Variants in TERB1 observed in about 807,000 individuals in gnomAD.
TERB1 encodes telomere repeats-binding bouquet formation protein 1.
TERB1 carries 63 observed loss-of-function variants against 92.3 expected under a neutral mutation model. That is an observed-to-expected ratio of 0.68 (90% CI 0.56 to 0.84). TERB1 has a LOEUF of 0.84. Among genes scored for constraint, TERB1 ranks in the 40% least tolerant of loss-of-function variants. TERB1 has a pLI of 0.00. For synonymous variants in TERB1, 252 were observed against 283.9 expected (o/e 0.89, Z 1.13); for missense variants, 709 against 843.7 (o/e 0.84, Z 1.98).
intron 6 of TERB1, among the ~76,000 whole-genome samples, chr16:66,787,837 G>A (rs1017091278): frequency 6.6e-6 from 1 of 152,156 alleles, no homozygotes; most frequent in African/African-American, 2.4e-5. Context: ...AGTGGCTCAC[G>A]CCTGTAATCC....
intron 6 of TERB1, among the ~76,000 whole-genome samples, chr16:66,787,863 C>G (rs1189819928): frequency 1.3e-5 from 2 of 152,150 alleles, no homozygotes; most frequent in African/African-American, 2.4e-5. Flanking sequence ...CTATTTGAGA[C>G]CAGCCTGGCC....
At chr16:66,768,615 T>C (rs2018390040) in intron 14 of TERB1, among the ~76,000 whole-genome samples, 1 of 152,098 alleles carries the variant, frequency 6.6e-6, no homozygotes, top group Non-Finnish European at 1.5e-5. Flanking sequence ...TAAATACAAG[T>C]TTTGATTATA....
chr16:66,755,910 A>G (rs554709832), intron 18 of TERB1, among the ~76,000 whole-genome samples: 5 of 152,364 alleles, frequency 3.3e-5, no homozygotes, highest in African/African-American at 1.2e-4. Flanking sequence ...AATATTTTTA[A>G]GAATAAGGGT....
At chr16:66,784,748 A>ATTTTTTT (rs34949570) in intron 9 of TERB1, among the ~76,000 whole-genome samples, 2 of 117,604 alleles carry the variant, frequency 1.7e-5, no homozygotes, top group East Asian at 2.6e-4. Context: ...TTAATTTTTA[A>ATTTTTTT]TTTTTTTTTT....
chr16:66,783,625 A>G (rs2018674058), intron 9 of TERB1, among the ~76,000 whole-genome samples: 1 of 152,114 alleles, frequency 6.6e-6, no homozygotes, highest in African/African-American at 2.4e-5. Context: ...AATGTATGTG[A>G]AGTTATTTGT....
chr16:66,778,737 A>C, intron 10 of TERB1, 126 bp downstream of exon 10: 1 of 786,856 alleles, frequency 1.3e-6, no homozygotes. Flanking sequence ...ACTTTCTAAT[A>C]CTTCCTTCCA....
chr16:66,764,924 A>G (rs2018313212), intron 16 of TERB1, among the ~76,000 whole-genome samples: 1 of 152,246 alleles, frequency 6.6e-6, no homozygotes, highest in Non-Finnish European at 1.5e-5. Context: ...GAATAAGGCT[A>G]TAGCCCACGT....
intron 16 of TERB1, among the ~76,000 whole-genome samples, chr16:66,759,511 G>C (rs906771566): frequency 3.3e-5 from 5 of 152,130 alleles, no homozygotes; most frequent in African/African-American, 1.2e-4. Flanking sequence ...TAGAAAAAGA[G>C]CATCTAGGCC....
intron 3 of TERB1, among the ~76,000 whole-genome samples, chr16:66,793,770 C>T (rs1259798705): frequency 6.6e-6 from 1 of 152,110 alleles, no homozygotes; most frequent in Non-Finnish European, 1.5e-5. Flanking sequence ...GCCTTGGGCT[C>T]CCAAAGTGTT....
chr16:66,794,947 A>ACACACACAC (rs1291113023), intron 3 of TERB1, among the ~76,000 whole-genome samples: 2 of 151,876 alleles, frequency 1.3e-5, no homozygotes, highest in African/African-American at 2.4e-5. Context: ...ACACACACAC[A>ACACACACAC]ATCAAATAAA....
upstream of TERB1, among the ~76,000 whole-genome samples, chr16:66,802,006 C>G (rs1461382478): frequency 6.6e-6 from 1 of 152,226 alleles, no homozygotes; most frequent in Non-Finnish European, 1.5e-5. Flanking sequence ...CACCAGGGGG[C>G]TTCCGGAGTT....
chr16:66,800,676 C>T (rs2145284092), intron 2 of TERB1, among the ~76,000 whole-genome samples: 1 of 152,186 alleles, frequency 6.6e-6, no homozygotes, highest in East Asian at 1.9e-4. Context: ...AGCGGATATC[C>T]AGCTTGTAAT....
intron 16 of TERB1, among the ~76,000 whole-genome samples, chr16:66,766,421 G>A (rs1053579052): frequency 6.6e-6 from 1 of 151,982 alleles, no homozygotes; most frequent in African/African-American, 2.4e-5. Flanking sequence ...ATAGAGCAGA[G>A]TACAACAGCA....
At chr16:66,781,920 T>A (rs543681642) in intron 9 of TERB1, among the ~76,000 whole-genome samples, 2 of 152,342 alleles carry the variant, frequency 1.3e-5, no homozygotes, top group East Asian at 3.9e-4. Context: ...ATTATTTCAA[T>A]GGAGTCCAAT....
chr16:66,785,475 T>C (rs1225067448), intron 9 of TERB1, among the ~76,000 whole-genome samples: 1 of 152,194 alleles, frequency 6.6e-6, no homozygotes, highest in Non-Finnish European at 1.5e-5. Context: ...GATGTTTTGT[T>C]TTTATTCATT....
chr16:66,775,111 C>T lies in TERB1; in HGVS notation c.1111+7G>A, dbSNP rs1433992425. The stretch of plus-strand genomic sequence containing the variant: ...TTGGTATGTTCTTAAAGTAATAGTA[C>T]ACTTACTAATTTTTTTGCAGTTGTG... On this transcript the variant is annotated splice_region_variant and intron_variant, in intron 12 of 18. Transcript: ENST00000433154. The T allele has an allele frequency of 1.9e-6, 3 of 1,551,172 alleles. No homozygotes were observed. Among genetic ancestry groups the T allele is most frequent in the South Asian group, 1.2e-5 (1 of 84,040 alleles).
chr16:66,759,494 G>A (rs1445216840), intron 16 of TERB1, among the ~76,000 whole-genome samples: 1 of 151,990 alleles, frequency 6.6e-6, no homozygotes, highest in African/African-American at 2.4e-5. Flanking sequence ...GAACAGTTAC[G>A]GTGCTTTAGA....
At position 66,770,310 on chromosome 16, in the gene TERB1, C is replaced by T. The variant is rs767193659; in HGVS notation, c.1273-1G>A. 1 of 1,504,374 alleles carries T rather than the reference C, an allele frequency of 6.6e-7. No individual in the cohort carries two copies. Among genetic ancestry groups the T allele is most frequent in the South Asian group, 1.3e-5 (1 of 79,792 alleles). 93.2% of individuals were successfully genotyped at this position (1,504,374 alleles called of 1,614,324 possible). A position where few individuals can be genotyped will look rare whatever the true frequency, so the allele number is the denominator to read the frequency against. On this transcript the variant is annotated splice_acceptor_variant, in intron 13 of 18. Transcript: ENST00000433154. LOFTEE classifies it high-confidence loss of function. ...GATAGTTTTCTCTTTGTATTTCTTCCTATAGTGTAAAAATGACAAATAATT... is the reference window on the plus strand; with the variant it reads ...GATAGTTTTCTCTTTGTATTTCTTCTTATAGTGTAAAAATGACAAATAATT...
At chr16:66,764,697 A>C (rs2018309253) in intron 16 of TERB1, among the ~76,000 whole-genome samples, 1 of 152,254 alleles carries the variant, frequency 6.6e-6, no homozygotes, top group South Asian at 2.1e-4. Flanking sequence ...TAGACTAGAA[A>C]TAAGGGACGG....
Sources: gnomAD v4.1 joint callset for allele counts (sites outside exome capture counted in the v4.1 genomes callset) on GRCh38, gnomAD v4.1.1 for gene constraint, MANE v1.5 for transcripts, NCBI Gene and HGNC (gene_info 2026-07-23, HGNC 2026-07-21) for gene names.